CCAR1: variants seen among roughly 807,000 people sequenced by gnomAD.
CCAR1 encodes cell division cycle and apoptosis regulator 1.
In CCAR1, 78 loss-of-function variants were observed where a neutral mutation model predicts 163.8. The ratio of observed to expected loss-of-function variants is 0.48; its 90% CI spans 0.40 to 0.57. The LOEUF (loss-of-function observed/expected upper bound fraction) is 0.57. CCAR1 is among the 20% of genes least tolerant of loss of function. CCAR1 has a pLI of 0.00. For missense variants in CCAR1, 1,019 were observed against 1,365.2 expected, an observed-to-expected ratio of 0.75 and a Z score of 4.00; for synonymous variants, 443 against 460.7, an observed-to-expected ratio of 0.96 and a Z score of 0.49.
chr10:68,740,710 A>G, intron 5 of CCAR1, 49 bp downstream of exon 5: 2 of 1,418,988 alleles, frequency 1.4e-6, no homozygotes, highest in Non-Finnish European at 9.8e-7. Flanking sequence ...TGAACAGTAG[A>G]CTAAAGCTTT....
chr10:68,753,515 A>C (rs2056361832), intron 10 of CCAR1, among the ~76,000 whole-genome samples: 1 of 152,194 alleles, frequency 6.6e-6, no homozygotes, highest in South Asian at 2.1e-4. Context: ...CATGAACCAT[A>C]ATTTTCAAGT....
chr10:68,780,192 G>A (rs1310126127), intron 19 of CCAR1, among the ~76,000 whole-genome samples: 1 of 152,168 alleles, frequency 6.6e-6, no homozygotes, highest in Non-Finnish European at 1.5e-5. Flanking sequence ...GTTCCAAGGA[G>A]AAGTTCCCTC....
At chr10:68,727,535 G>C (rs1472490658) in intron 2 of CCAR1, among the ~76,000 whole-genome samples, 1 of 152,212 alleles carries the variant, frequency 6.6e-6, no homozygotes, top group Non-Finnish European at 1.5e-5. Context: ...AAGAGTTTTA[G>C]AATACAGTTC....
rs1179610262 is a variant in CCAR1 at position 68,723,207 on chromosome 10, C to T, written c.73+630C>T. On this transcript the variant is annotated intron_variant, in intron 2 of 24. Transcript: ENST00000265872. ...CGCAATCTCAGCTCACTGCAAGCTC[C>T]GCCTCCCGGGTTCACGCCATTCTCC... Among the ~76,000 whole-genome samples, 4 of 151,198 alleles carry T rather than the reference C, an allele frequency of 2.6e-5. No homozygotes were observed. In the East Asian group the frequency reaches 8.1e-4, roughly 31 times the overall value.
intron 19 of CCAR1, among the ~76,000 whole-genome samples, chr10:68,785,473 CA>C (rs992429818): frequency 8.5e-5 from 13 of 152,080 alleles, no homozygotes; most frequent in African/African-American, 3.1e-4. Flanking sequence ...CCACCTGCCT[CA>C]GCCTCCCAAA....
chr10:68,774,608 G>T (rs992355395), intron 19 of CCAR1, among the ~76,000 whole-genome samples: 5 of 151,034 alleles, frequency 3.3e-5, no homozygotes, highest in African/African-American at 1.2e-4. Flanking sequence ...TCTAGCCATG[G>T]CAACTGAGGG....
At chr10:68,743,200 C>CTT (rs567782298) in intron 6 of CCAR1, among the ~76,000 whole-genome samples, 3 of 132,786 alleles carry the variant, frequency 2.3e-5, no homozygotes, top group East Asian at 4.4e-4. Context: ...TTTTCTTTTT[C>CTT]TTTTTTTTTT....
intron 18 of CCAR1, among the ~76,000 whole-genome samples, chr10:68,771,890 GGA>G (rs1196962128): frequency 6.6e-6 from 1 of 150,690 alleles, no homozygotes; most frequent in African/African-American, 2.4e-5. Flanking sequence ...TTTCTGAGAC[GGA>G]GTCTTGCTCT....
chr10:68,739,658 A>G (rs2056157862), intron 4 of CCAR1, among the ~76,000 whole-genome samples: 1 of 152,192 alleles, frequency 6.6e-6, no homozygotes, highest in African/African-American at 2.4e-5. Flanking sequence ...TTGTTTTCAG[A>G]GTACCTTCCA....
intron 16 of CCAR1, among the ~76,000 whole-genome samples, chr10:68,763,296 A>T (rs1037381087): frequency 6.6e-6 from 1 of 150,736 alleles, no homozygotes; most frequent in East Asian, 2.0e-4. Flanking sequence ...GACTACAGGC[A>T]TGCACCACCA....
At chr10:68,754,139 A>G in intron 11 of CCAR1, 62 bp downstream of exon 11, 1 of 1,132,334 alleles carries the variant, frequency 8.8e-7, no homozygotes, top group African/African-American at 1.5e-5. Context: ...ATAAAAGGGT[A>G]TGTAGAATTA....
At chr10:68,760,336 T>C (rs1196618868) in intron 15 of CCAR1, among the ~76,000 whole-genome samples, 1 of 152,160 alleles carries the variant, frequency 6.6e-6, no homozygotes, top group African/African-American at 2.4e-5. Context: ...TTTAGACTCT[T>C]CCCTTTTTTG....
At chr10:68,729,521 G>A (rs1370395075) in intron 2 of CCAR1, among the ~76,000 whole-genome samples, 20 of 151,428 alleles carry the variant, frequency 1.3e-4, no homozygotes, top group Admixed American at 1.1e-3. Flanking sequence ...CACCCGCCTC[G>A]GCCTCCCAAA....
At chr10:68,767,398 G>A (rs1465174436) in intron 17 of CCAR1, among the ~76,000 whole-genome samples, 1 of 152,104 alleles carries the variant, frequency 6.6e-6, no homozygotes, top group Non-Finnish European at 1.5e-5. Context: ...CTCCCGGGTA[G>A]CTGAGATTAC....
rs771186904 is a variant in CCAR1 at position 68,755,554 on chromosome 10, T to G, written c.1625+18T>G. ...ACACAATGGTAAGTACTAATTCATT[T>G]CTTGATTAGAAGTGTTTTACTGATA... On this transcript the variant is annotated intron_variant, in intron 13 of 24. Coordinates refer to ENST00000265872, the MANE Select transcript of CCAR1 (RefSeq NM_018237.4). 5.0e-6 allele frequency: 8 copies of G among 1,594,976 alleles called. No homozygotes were observed. The highest frequency in any genetic ancestry group is 6.9e-6 in the Non-Finnish European group (8 of 1,167,068).
intron 19 of CCAR1, among the ~76,000 whole-genome samples, chr10:68,773,904 T>TAAATTTG (rs1311747023): frequency 6.6e-6 from 1 of 151,938 alleles, no homozygotes; most frequent in African/African-American, 2.4e-5. Flanking sequence ...TTTTGTTGTT[T>TAAATTTG]TTTTTTCAGA....
rs1420217067 is a variant in CCAR1 at position 68,786,205 on chromosome 10, C to T, written c.2720C>T (p.Pro907Leu). ...ATCAACAGATACTGCAAGGAGAGGC[C>T]CTCTAAAGATAAGGTGTTTATTGAA... ...RDINRYCKER[P>L]SKDKEKEKTQ... Residue 907 changes from proline to leucine, a missense_variant, in exon 20 of 25, where the codon CCC becomes CTC. Pro to Leu is a moderately conservative substitution (Grantham distance 98, BLOSUM62 -3). Around this residue, in one of 4 missense-constraint regions of CCAR1, gnomAD observed 358 missense variants for 406.4 expected, o/e 0.88. Transcript: ENST00000265872. 1 of 1,605,186 alleles carries T rather than the reference C, an allele frequency of 6.2e-7. No individual in the cohort carries two copies. The highest frequency in any genetic ancestry group is 2.2e-5 in the East Asian group (1 of 44,788).
At chr10:68,741,036 C>T (rs2056176750) in intron 5 of CCAR1, among the ~76,000 whole-genome samples, 1 of 151,880 alleles carries the variant, frequency 6.6e-6, no homozygotes, top group Non-Finnish European at 1.5e-5. Flanking sequence ...CTCTCAGCCT[C>T]CTGAGTAGCT....
chr10:68,747,161 T>A lies in CCAR1; in HGVS notation c.519T>A (p.Ser173Arg). ...FVDEDVFFQL[S>R]AVKGKTPQVG... ...TTTTTTTTTCTTTTTTTTTTTACAGTGCTGTCAAAGGGAAAACCCCCCAAG... is the reference window on the plus strand; with the variant it reads ...TTTTTTTTTCTTTTTTTTTTTACAGAGCTGTCAAAGGGAAAACCCCCCAAG... Residue 173 changes from serine to arginine, a missense_variant and splice_region_variant, in exon 7 of 25, where the codon AGT becomes AGA. Ser to Arg is a moderately radical substitution (Grantham distance 110). This residue lies in a region of CCAR1 where 644 missense variants were observed against 904.4 expected (regional missense o/e 0.71). Coordinates refer to ENST00000265872, the MANE Select transcript of CCAR1 (RefSeq NM_018237.4). The A allele has an allele frequency of 6.7e-7, 1 of 1,487,602 alleles. No homozygotes were observed. The highest frequency in any genetic ancestry group is 9.2e-7 in the Non-Finnish European group (1 of 1,089,112). The allele number at this position is 1,487,602 out of a possible 1,614,324, so 92.2% of individuals were successfully genotyped here. A position where few individuals can be genotyped will look rare whatever the true frequency, so the allele number is the denominator to read the frequency against.
Sources: gnomAD v4.1 joint callset for allele counts (sites outside exome capture counted in the v4.1 genomes callset) on GRCh38, gnomAD v4.1.1 for gene constraint, gnomAD v4.1.1 regional missense constraint, MANE v1.5 for transcripts, NCBI Gene and HGNC (gene_info 2026-07-23, HGNC 2026-07-21) for gene names.